The following PCNT variants were observed in gnomAD, a reference collection of about 807,000 sequenced individuals.
PCNT encodes pericentrin, also known as kendrin.
A neutral mutation model predicts 380.4 loss-of-function variants in PCNT; 319 were observed. The ratio of observed to expected loss-of-function variants is 0.84; its 90% confidence interval spans 0.77 to 0.92. The LOEUF (loss-of-function observed/expected upper bound fraction) is 0.92, where lower values mean the gene tolerates loss of function less well. PCNT is among the 40% of genes least tolerant of loss of function. The pLI is 0.00. For synonymous variants in PCNT, 1,845 were observed against 1,735.2 expected, an observed-to-expected ratio of 1.06 and a Z score of -1.57; for missense variants, 4,400 against 4,255.3, an observed-to-expected ratio of 1.03 and a Z score of -0.95.
intron 32 of PCNT, among the ~76,000 whole-genome samples, chr21:46,424,232 G>A (rs1480644350): frequency 2.0e-5 from 3 of 152,190 alleles, no homozygotes; most frequent in East Asian, 1.9e-4. Flanking sequence ...GCCACTCTTG[G>A]CCACCTCTGG....
chr21:46,324,225 G>A lies in PCNT; in HGVS notation c.-4G>A, dbSNP rs777147007. 3.7e-6 allele frequency: 6 copies of A among 1,611,092 alleles called. No homozygotes were observed. Among genetic ancestry groups the A allele is most frequent in the Non-Finnish European group, 4.2e-6 (5 of 1,178,690 alleles). On this transcript the variant is annotated 5_prime_UTR_variant, in exon 1 of 47. Coordinates refer to ENST00000359568, the MANE Select transcript of PCNT (RefSeq NM_006031.6). Reference sequence around the variant, plus strand: ...CCGGGCGGCCCGCGCGGAGTCTGAGGGAGATGGAAGTTGAGCAAGAGCAGC... The same window carrying A: ...CCGGGCGGCCCGCGCGGAGTCTGAGAGAGATGGAAGTTGAGCAAGAGCAGC...
chr21:46,355,941 G>T (rs16979101), intron 12 of PCNT, among the ~76,000 whole-genome samples: 2,673 of 152,300 alleles, frequency 0.018, 67 homozygotes, highest in South Asian at 0.075. Flanking sequence ...GAGGGAGAAT[G>T]TGTGTCCACT....
intron 41 of PCNT, among the ~76,000 whole-genome samples, chr21:46,438,673 T>G (rs1262706640): frequency 9.5e-6 from 1 of 105,192 alleles, no homozygotes; most frequent in Non-Finnish European, 1.8e-5. Flanking sequence ...TTTATAATTT[T>G]TTTTTTTTTT....
At position 46,430,086 on chromosome 21, in the gene PCNT, A is replaced by G; in HGVS notation, c.7767A>G (p.Gln2589=). 6.2e-7 allele frequency: 1 copy of G among 1,614,214 alleles called. No individual in the cohort carries two copies. Among genetic ancestry groups the G allele is most frequent in the Non-Finnish European group, 8.5e-7 (1 of 1,180,018 alleles). Residue 2589 remains glutamine, a synonymous_variant, in exon 36 of 47, where the codon CAA becomes CAG. Transcript: ENST00000359568. ...TGCAGAAGACGCTGAGTGAAGAGCAAGAGAAGGCAAACAGCGTGCAGAAGC... is the reference window on the plus strand; with the variant it reads ...TGCAGAAGACGCTGAGTGAAGAGCAGGAGAAGGCAAACAGCGTGCAGAAGC... ...GDLQKTLSEE[Q]EKANSVQKLL... is the part of the protein sequence containing the mutation.
At chr21:46,333,711 G>A (rs1423266621) in intron 2 of PCNT, among the ~76,000 whole-genome samples, 4 of 151,312 alleles carry the variant, frequency 2.6e-5, no homozygotes, top group African/African-American at 7.3e-5. Context: ...GACCAGTCTG[G>A]CCAACATGGT....
chr21:46,326,168 C>G (rs1454273078), intron 1 of PCNT, among the ~76,000 whole-genome samples: 1 of 152,182 alleles, frequency 6.6e-6, no homozygotes, highest in African/African-American at 2.4e-5. Context: ...CTTTACCAGG[C>G]ATAATTAGCA....
chr21:46,424,578 A>G (rs1009311090), intron 32 of PCNT, among the ~76,000 whole-genome samples: 1 of 152,094 alleles, frequency 6.6e-6, no homozygotes, highest in East Asian at 1.9e-4. Flanking sequence ...TTTAAAATGC[A>G]TTTTCTCCTC....
At chr21:46,365,447 G>C (rs34527723) in intron 14 of PCNT, among the ~76,000 whole-genome samples, 1 of 66,134 alleles carries the variant, frequency 1.5e-5, no homozygotes, top group Non-Finnish European at 3.1e-5. Context: ...GTGGGGTTCT[G>C]TTCACTGCCG....
At chr21:46,352,144 A>G (rs1333546285) in intron 9 of PCNT, among the ~76,000 whole-genome samples, 1 of 152,210 alleles carries the variant, frequency 6.6e-6, no homozygotes, top group Non-Finnish European at 1.5e-5. Flanking sequence ...ACAGGACAGG[A>G]GGGTGAGCCA....
intron 13 of PCNT, among the ~76,000 whole-genome samples, chr21:46,358,029 G>C (rs2084540342): frequency 6.6e-6 from 1 of 152,228 alleles, no homozygotes; most frequent in African/African-American, 2.4e-5. Flanking sequence ...GCAGCTCAGG[G>C]TCCATCCCAT....
chr21:46,346,715 C>G, intron 4 of PCNT, 28 bp from the exon 5 acceptor site: 1 of 1,583,814 alleles, frequency 6.3e-7, no homozygotes, highest in Non-Finnish European at 8.6e-7. Flanking sequence ...ACCATGGGCC[C>G]TTATCAGAGG....
At chr21:46,443,654 A>C (rs931031372) in intron 44 of PCNT, among the ~76,000 whole-genome samples, 156 bp from the exon 45 acceptor site, 5 of 152,240 alleles carry the variant, frequency 3.3e-5, no homozygotes, top group Non-Finnish European at 4.4e-5. Context: ...CAAAGCTTTT[A>C]AAAAGATATT....
chr21:46,401,498 G>C (rs1239674430), intron 25 of PCNT, 53 bp from the exon 26 acceptor site: 3 of 1,405,976 alleles, frequency 2.1e-6, no homozygotes, highest in South Asian at 2.3e-5. Flanking sequence ...CAGCAGTTGA[G>C]GTACTGAATT....
chr21:46,349,807 A>T lies in PCNT; in HGVS notation c.1331A>T (p.Glu444Val). The change falls in exon 8 of 47, where the codon GAA becomes GTA. Residue 444 changes from glutamate (E) to valine (V), a missense_variant. Physicochemically the swap from Glu to Val is moderately radical, Grantham distance 121 (BLOSUM62 -2). Coordinates refer to ENST00000359568, the MANE Select transcript of PCNT (RefSeq NM_006031.6). ...LEFKFKESEK[E>V]KQLELENLQA... Reference sequence around the variant, plus strand: ...TTCAAGTTCAAAGAGAGCGAGAAAGAAAAACAGCTGGAGGTGGGCAGCAGC... The same window carrying T: ...TTCAAGTTCAAAGAGAGCGAGAAAGTAAAACAGCTGGAGGTGGGCAGCAGC... 1 of 1,614,160 alleles carries T rather than the reference A, an allele frequency of 6.2e-7. No individual in the cohort carries two copies. The highest frequency in any genetic ancestry group is 8.5e-7 in the Non-Finnish European group (1 of 1,179,982).
chr21:46,348,078 G>A (rs2084133427), intron 6 of PCNT, among the ~76,000 whole-genome samples: 1 of 152,372 alleles, frequency 6.6e-6, no homozygotes, highest in South Asian at 2.1e-4. Context: ...ATGGGTGTTA[G>A]TCCAGGCTTG....
In PCNT at chr21:46,398,094, G is replaced by T; in HGVS notation, c.4527G>T (p.Ala1509=). The T allele has an allele frequency of 6.3e-7, 1 of 1,599,440 alleles. No individual in the cohort carries two copies. Among genetic ancestry groups the T allele is most frequent in the East Asian group, 2.3e-5 (1 of 44,226 alleles). Reference sequence around the variant, plus strand: ...GGCTGGAGGGGCAGCTCCGCCAGGCGGCCAAGCCGCAGCCCTGGGGCCCTC... The same window carrying T: ...GGCTGGAGGGGCAGCTCCGCCAGGCTGCCAAGCCGCAGCCCTGGGGCCCTC... The part of the protein sequence containing the change: ...IQRLEGQLRQ[A]AKPQPWGPRD... The change falls in exon 23 of 47, where the codon GCG becomes GCT. Residue 1509 remains alanine, a synonymous_variant. Coordinates refer to ENST00000359568, the MANE Select transcript of PCNT (RefSeq NM_006031.6).
intron 2 of PCNT, among the ~76,000 whole-genome samples, chr21:46,330,422 A>G (rs1316213373): frequency 6.6e-6 from 1 of 152,200 alleles, no homozygotes; most frequent in Non-Finnish European, 1.5e-5. Flanking sequence ...CCTGGCTAAA[A>G]TTTATTTTCT....
chr21:46,430,003 TTC>T lies in PCNT; in HGVS notation c.7691-4_7691-3del. ...GGGGCCTGTTACTGTTCTTTTGTCT[TTC>T]TCAGTTGAACTGCTGGCTTATAAAG... On this transcript the variant is annotated splice_region_variant and splice_polypyrimidine_tract_variant and intron_variant, in intron 35 of 46. Transcript: ENST00000359568. 1 of 1,613,408 alleles carries T rather than the reference TTC, an allele frequency of 6.2e-7. No homozygotes were observed. Among genetic ancestry groups the T allele is most frequent in the Non-Finnish European group, 8.5e-7 (1 of 1,179,318 alleles).
At chr21:46,343,877 C>T (rs573699646) in intron 3 of PCNT, among the ~76,000 whole-genome samples, 3 of 152,224 alleles carry the variant, frequency 2.0e-5, no homozygotes, top group South Asian at 4.1e-4. Context: ...ATTTATCCAT[C>T]GCCTCCAGGT....
Sources: gnomAD v4.1 joint callset for allele counts (sites outside exome capture counted in the v4.1 genomes callset) on GRCh38, gnomAD v4.1.1 for gene constraint, MANE v1.5 for transcripts, NCBI Gene and HGNC (gene_info 2026-07-23, HGNC 2026-07-21) for gene names.